Variants in TMC2 observed in about 807,000 individuals in gnomAD.
TMC2 encodes the protein transmembrane channel like 2, also known as transmembrane channel-like protein 2.
TMC2 carries 102 observed loss-of-function variants against 105.9 expected under a neutral mutation model. The ratio of observed to expected loss-of-function variants is 0.96; its 90% CI spans 0.82 to 1.14. The LOEUF (loss-of-function observed/expected upper bound fraction) is 1.14. Among genes scored for constraint, TMC2 ranks in the 50% most tolerant of loss-of-function variants. The pLI, the probability that TMC2 is intolerant of heterozygous loss-of-function variation, is 0.00. For missense variants in TMC2, 1,093 were observed against 1,134.3 expected (o/e 0.96, Z 0.52); for synonymous variants, 402 against 422.8 (o/e 0.95, Z 0.60).
intron 2 of TMC2, among the ~76,000 whole-genome samples, chr20:2,550,624 C>T (rs2085951147): frequency 6.6e-6 from 1 of 152,088 alleles, no homozygotes; most frequent in Non-Finnish European, 1.5e-5. Context: ...GTCCTGTGGC[C>T]CACCTATTCA....
At chr20:2,581,059 TCA>T (rs1346352705) in intron 7 of TMC2, among the ~76,000 whole-genome samples, 3 of 152,202 alleles carry the variant, frequency 2.0e-5, no homozygotes, top group African/African-American at 7.2e-5. Flanking sequence ...ATTTTCTTCC[TCA>T]CAGGTGTATT....
chr20:2,630,595 G>T (rs1461508852), intron 17 of TMC2, among the ~76,000 whole-genome samples: 1 of 152,114 alleles, frequency 6.6e-6, no homozygotes, highest in East Asian at 1.9e-4. Context: ...GCTGAGGCAG[G>T]AAGATTGCTT....
chr20:2,590,286 A>G (rs1033977614), intron 7 of TMC2, among the ~76,000 whole-genome samples: 1 of 152,174 alleles, frequency 6.6e-6, no homozygotes, highest in Non-Finnish European at 1.5e-5. Context: ...TCTTGGTTGC[A>G]TCTTAGGATG....
At chr20:2,600,995 A>G (rs1394445208) in intron 10 of TMC2, among the ~76,000 whole-genome samples, 2 of 149,432 alleles carry the variant, frequency 1.3e-5, no homozygotes, top group African/African-American at 5.1e-5. Flanking sequence ...AGAAAAAAAA[A>G]AAAAAAAAAA....
chr20:2,560,662 C>T (rs2086019698), intron 3 of TMC2, among the ~76,000 whole-genome samples: 1 of 151,924 alleles, frequency 6.6e-6, no homozygotes, highest in Admixed American at 6.6e-5. Flanking sequence ...ATGGTGAAAC[C>T]CCATTTCTAC....
chr20:2,574,993 TG>T (rs1409989153), intron 5 of TMC2, among the ~76,000 whole-genome samples: 1 of 152,234 alleles, frequency 6.6e-6, no homozygotes, highest in Admixed American at 6.5e-5. Context: ...CCCAAAGTGC[TG>T]GGATTACAGG....
At chr20:2,606,884 C>CTTTCTTTT (rs2086396500) in intron 11 of TMC2, among the ~76,000 whole-genome samples, 3 of 88,258 alleles carry the variant, frequency 3.4e-5, no homozygotes, top group African/African-American at 1.8e-4. Flanking sequence ...CCCTTAATTT[C>CTTTCTTTT]TTTTTTCTTT....
At chr20:2,611,768 C>T (rs2086439884) in intron 12 of TMC2, among the ~76,000 whole-genome samples, 1 of 151,174 alleles carries the variant, frequency 6.6e-6, no homozygotes. Flanking sequence ...AAATTATTTT[C>T]AAGAGAATAA....
intron 11 of TMC2, among the ~76,000 whole-genome samples, chr20:2,609,376 G>A (rs2086417844): frequency 6.6e-6 from 1 of 152,176 alleles, no homozygotes; most frequent in African/African-American, 2.4e-5. Context: ...AATAGAGTAA[G>A]AAAGGAAAAA....
intron 4 of TMC2, among the ~76,000 whole-genome samples, chr20:2,562,678 A>G (rs971339293): frequency 2.0e-5 from 3 of 152,098 alleles, no homozygotes; most frequent in African/African-American, 7.2e-5. Context: ...ATAACAGTAG[A>G]CTCACACCTG....
chr20:2,554,729 A>G (rs2085975969), intron 2 of TMC2, among the ~76,000 whole-genome samples: 2 of 152,150 alleles, frequency 1.3e-5, no homozygotes, highest in Admixed American at 1.3e-4. Context: ...ATCTCCAAAT[A>G]TTTTGGTATT....
Position 2,617,182 on chromosome 20 carries a change from G to A in TMC2, c.2051G>A (p.Arg684His), listed in dbSNP as rs750685044. 4.2e-5 allele frequency: 67 copies of A among 1,614,050 alleles called. 1 individual carries two copies. The South Asian group carries it at 4.3e-4, about 10-fold the overall frequency. Residue 684 changes from arginine (R) to histidine (H), a missense_variant, in exon 16 of 20, where the codon CGC becomes CAC. Transcript: ENST00000358864. ...AVMSSNVPHE[R>H]VFKASRSNNF... ...ATGAGCAGCAACGTACCCCATGAAC[G>A]CGTGTTCAAAGCCTCCCGATCCAAC...
chr20:2,593,123 C>T (rs1436390738), intron 8 of TMC2, among the ~76,000 whole-genome samples: 1 of 152,090 alleles, frequency 6.6e-6, no homozygotes, highest in Non-Finnish European at 1.5e-5. Flanking sequence ...CAGTGGAAGG[C>T]AAAGGGGAAG....
chr20:2,587,018 T>C (rs578015401), intron 7 of TMC2, among the ~76,000 whole-genome samples: 1 of 152,316 alleles, frequency 6.6e-6, no homozygotes, highest in African/African-American at 2.4e-5. Flanking sequence ...TCATAGTGTA[T>C]ATTTTGTATG....
chr20:2,636,592 C>A (rs1393990772), intron 18 of TMC2, among the ~76,000 whole-genome samples: 1 of 142,550 alleles, frequency 7.0e-6, no homozygotes, highest in Non-Finnish European at 1.5e-5. Context: ...TGCTACTGGT[C>A]CCCCCGTCCA....
At chr20:2,588,680 T>G (rs1236717057) in intron 7 of TMC2, among the ~76,000 whole-genome samples, 2 of 144,402 alleles carry the variant, frequency 1.4e-5, no homozygotes. Flanking sequence ...TGTGTGCCTT[T>G]GCATGTGTCT....
At chr20:2,625,284 T>G (rs2086556256) in intron 17 of TMC2, among the ~76,000 whole-genome samples, 2 of 152,190 alleles carry the variant, frequency 1.3e-5, no homozygotes, top group Admixed American at 1.3e-4. Context: ...GATCACAAGA[T>G]TCAACAGATG....
At chr20:2,619,193 G>T (rs147152469) in intron 16 of TMC2, among the ~76,000 whole-genome samples, 18 of 152,288 alleles carry the variant, frequency 1.2e-4, no homozygotes, top group African/African-American at 4.3e-4. Flanking sequence ...TTTATTAGGG[G>T]TAACTTACAG....
intron 16 of TMC2, among the ~76,000 whole-genome samples, chr20:2,622,487 G>A (rs921915020): frequency 6.6e-6 from 1 of 152,140 alleles, no homozygotes; most frequent in Non-Finnish European, 1.5e-5. Flanking sequence ...GGCCAACATG[G>A]CGAAACCCCG....
Sources: gnomAD v4.1 joint callset for allele counts (sites outside exome capture counted in the v4.1 genomes callset) on GRCh38, gnomAD v4.1.1 for gene constraint, MANE v1.5 for transcripts, NCBI Gene and HGNC (gene_info 2026-07-23, HGNC 2026-07-21) for gene names.